The following MCTP2 variants were observed in gnomAD, a reference collection of about 807,000 sequenced individuals.
MCTP2 encodes multiple C2 and transmembrane domain containing 2.
In MCTP2, 132 loss-of-function variants were observed where a neutral mutation model predicts 111.6. That is an observed-to-expected ratio of 1.18 (90% CI 1.03 to 1.37). MCTP2 has a LOEUF of 1.37. Among genes scored for constraint, MCTP2 ranks in the 40% most tolerant of loss-of-function variants. MCTP2 has a pLI of 0.00. For synonymous variants in MCTP2, 395 were observed against 387.7 expected (o/e 1.02, Z -0.22); for missense variants, 1,183 against 1,067.9 (o/e 1.11, Z -1.50).
intron 20 of MCTP2, 135 bp downstream of exon 20, chr15:94,458,381 C>A (rs1299407788): frequency 1.6e-6 from 1 of 622,458 alleles, no homozygotes; most frequent in Non-Finnish European, 2.9e-6. Context: ...GTTGGGTTAG[C>A]ACTGTCTGAC....
At position 94,234,199 on chromosome 15, in the gene MCTP2, G is replaced by A. The variant is rs569725827; in HGVS notation, c.-66+2535G>A. ...GGTGGGTGATGAAGGAGGAGAGTATGTAGGGGATATGAAGCAGGGGCAGTT... is the reference window on the plus strand; with the variant it reads ...GGTGGGTGATGAAGGAGGAGAGTATATAGGGGATATGAAGCAGGGGCAGTT... On this transcript the variant is annotated intron_variant, in intron 1 of 22. Coordinates refer to ENST00000357742, the MANE Select transcript of MCTP2 (RefSeq NM_001385001.1). 2.0e-5 allele frequency among the ~76,000 whole-genome samples: 3 copies of A among 152,296 alleles called. No homozygotes were observed. In the South Asian group the frequency reaches 6.2e-4, roughly 32 times the overall value.
intron 2 of MCTP2, among the ~76,000 whole-genome samples, chr15:94,311,008 G>A (rs2152354866): frequency 6.8e-6 from 1 of 146,788 alleles, no homozygotes; most frequent in South Asian, 2.1e-4. Context: ...CATTTATTGG[G>A]AACTTTCCTT....
At position 94,483,440 on chromosome 15, in the gene MCTP2, C is replaced by T. The variant is rs1322365910; in HGVS notation, c.*4406C>T. 3 of 152,164 alleles carry T rather than the reference C, an allele frequency of 2.0e-5. No individual in the cohort carries two copies. Among genetic ancestry groups the T allele is most frequent in the Non-Finnish European group, 4.4e-5 (3 of 68,038 alleles). 9.4% of individuals were successfully genotyped at this position (152,164 alleles called of 1,614,324 possible). On this transcript the variant is annotated 3_prime_UTR_variant, in exon 23 of 23. Transcript: ENST00000357742. ...GCAACACTATTTACAATAGCAAAGA[C>T]ACTGGATCAGTCTAAATGCCCATCA...
chr15:94,314,898 A>C, intron 3 of MCTP2: 2 of 391,110 alleles, frequency 5.1e-6, no homozygotes, highest in South Asian at 1.9e-5. Context: ...AGAGACACTA[A>C]GAGTGGGTGC....
chr15:94,337,188 G>T (rs1029785947), intron 4 of MCTP2, among the ~76,000 whole-genome samples: 2 of 151,974 alleles, frequency 1.3e-5, no homozygotes. Flanking sequence ...CAATTAACGC[G>T]GCACTAACTT....
chr15:94,232,151 A>G (rs1045000346), intron 1 of MCTP2: 4 of 152,236 alleles, frequency 2.6e-5, no homozygotes, highest in African/African-American at 7.2e-5. Flanking sequence ...CAGTGTCTCA[A>G]TCCCACTGAA....
intron 1 of MCTP2, among the ~76,000 whole-genome samples, chr15:94,264,506 G>A (rs1219127507): frequency 6.6e-6 from 1 of 152,054 alleles, no homozygotes; most frequent in Non-Finnish European, 1.5e-5. Context: ...CTACTCGGGA[G>A]GCTGAGGCAG....
At chr15:94,470,205 A>T in intron 20 of MCTP2, 128 bp from the exon 21 acceptor site, 1 of 666,296 alleles carries the variant, frequency 1.5e-6, no homozygotes, top group Non-Finnish European at 2.6e-6. Flanking sequence ...TGAGGTTTTT[A>T]ACAAAATTTT....
chr15:94,466,537 A>G (rs1427191022), intron 20 of MCTP2, among the ~76,000 whole-genome samples: 1 of 152,170 alleles, frequency 6.6e-6, no homozygotes, highest in Non-Finnish European at 1.5e-5. Context: ...TCTATGGTAC[A>G]ATGTGTCCCT....
chr15:94,292,411 C>T (rs368752406), intron 1 of MCTP2, among the ~76,000 whole-genome samples: 4 of 151,930 alleles, frequency 2.6e-5, no homozygotes, highest in East Asian at 1.9e-4. Context: ...AAAAGCAATA[C>T]GTAAATGTAG....
chr15:94,381,105 T>A (rs1410603086), intron 12 of MCTP2, among the ~76,000 whole-genome samples: 1 of 152,246 alleles, frequency 6.6e-6, no homozygotes, highest in African/African-American at 2.4e-5. Flanking sequence ...AATGTATGTA[T>A]GTCAGTCTCC....
rs1282169776 is a variant in MCTP2 at position 94,407,912 on chromosome 15, G to A, written c.2085+5893G>A. ...CAGTTTAGTAAAAACCAAAGGCAAG[G>A]CCTTGAGGACTGCTGTTTTCCATGA... On this transcript the variant is annotated intron_variant, in intron 17 of 22. Coordinates refer to ENST00000357742, the MANE Select transcript of MCTP2 (RefSeq NM_001385001.1). Among the ~76,000 whole-genome samples the A allele has an allele frequency of 2.0e-5, 3 of 152,074 alleles. No homozygotes were observed. The East Asian group carries it at 5.8e-4, about 29-fold the overall frequency.
chr15:94,453,710 T>G (rs553843691), intron 19 of MCTP2, among the ~76,000 whole-genome samples: 1 of 152,338 alleles, frequency 6.6e-6, no homozygotes, highest in South Asian at 2.1e-4. Context: ...TAATGAATAA[T>G]CATGTACAGA....
intron 17 of MCTP2, among the ~76,000 whole-genome samples, chr15:94,412,799 A>G (rs1452512694): frequency 1.3e-5 from 2 of 152,096 alleles, no homozygotes; most frequent in Non-Finnish European, 2.9e-5. Context: ...CTTGGAAATC[A>G]CCGAGACCCT....
At chr15:94,476,158 G>T (rs3784637) in intron 21 of MCTP2, among the ~76,000 whole-genome samples, 7 of 151,998 alleles carry the variant, frequency 4.6e-5, no homozygotes, top group African/African-American at 1.7e-4. Context: ...AGATGACTGC[G>T]GTTTTCTTTG....
chr15:94,256,671 C>T (rs2072792184), intron 1 of MCTP2, among the ~76,000 whole-genome samples: 1 of 152,158 alleles, frequency 6.6e-6, no homozygotes, highest in African/African-American at 2.4e-5. Context: ...AGGGACCTTT[C>T]TGAAAAGAAG....
chr15:94,314,307 A>G lies in MCTP2; in HGVS notation c.491A>G (p.Asn164Ser). Residue 164 changes from asparagine (N) to serine (S), a missense_variant, in exon 3 of 23, where the codon AAT (asparagine) becomes AGT (serine). Coordinates refer to ENST00000357742, the MANE Select transcript of MCTP2 (RefSeq NM_001385001.1). ...PEKLCGSSDLNASMTSQHFEE... is the reference protein window; with the variant it reads ...PEKLCGSSDLSASMTSQHFEE... ...AAGCTATGTGGAAGCAGTGACCTGA[A>G]TGCTTCTATGACATCTCAACATTTT... The G allele has an allele frequency of 1.9e-6, 3 of 1,610,106 alleles. No individual in the cohort carries two copies. The highest frequency in any genetic ancestry group is 2.5e-6 in the Non-Finnish European group (3 of 1,178,640).
At chr15:94,328,753 G>T (rs2077005845) in intron 4 of MCTP2, among the ~76,000 whole-genome samples, 1 of 152,140 alleles carries the variant, frequency 6.6e-6, no homozygotes, top group African/African-American at 2.4e-5. Flanking sequence ...GTGAATTCTG[G>T]GAGTGTAAGT....
At chr15:94,423,971 C>T (rs1382586343) in intron 17 of MCTP2, among the ~76,000 whole-genome samples, 1 of 152,206 alleles carries the variant, frequency 6.6e-6, no homozygotes, top group Non-Finnish European at 1.5e-5. Context: ...TCTTTCTCTA[C>T]TTCTTTGTAA....
Sources: allele counts gnomAD v4.1 joint callset (sites outside exome capture counted in the v4.1 genomes callset), GRCh38; gene constraint gnomAD v4.1.1; transcripts MANE v1.5; gene names NCBI Gene and HGNC (gene_info 2026-07-23, HGNC 2026-07-21).